The following PRUNE2 variants were observed in gnomAD, a reference collection of about 807,000 sequenced individuals.
The protein encoded by PRUNE2 is protein prune homolog 2.
In PRUNE2, 164 loss-of-function variants were observed where a neutral mutation model predicts 252.0. That is an observed-to-expected ratio of 0.65 (90% confidence interval 0.57 to 0.74). PRUNE2 has a LOEUF of 0.74. Ranked by LOEUF, PRUNE2 falls within the 30% of genes least tolerant of loss-of-function variation. The pLI is 0.00. For missense variants in PRUNE2, 3,495 were observed against 3,711.0 expected (o/e 0.94, Z 1.51); for synonymous variants, 1,292 against 1,350.2 (o/e 0.96, Z 0.94).
At chr9:76,850,142 G>A (rs140448596) in intron 3 of PRUNE2, among the ~76,000 whole-genome samples, 57 of 151,922 alleles carry the variant, frequency 3.8e-4, no homozygotes, top group African/African-American at 1.1e-3. Context: ...TCTGCCTCCC[G>A]GGTTCAGGCA....
intron 1 of PRUNE2, among the ~76,000 whole-genome samples, chr9:76,880,156 G>C: frequency 6.6e-6 from 1 of 151,458 alleles, no homozygotes; most frequent in Non-Finnish European, 1.5e-5. Flanking sequence ...CTTGTGATCC[G>C]CCCTCCTCGG....
At chr9:76,889,342 T>C (rs373698655) in intron 1 of PRUNE2, among the ~76,000 whole-genome samples, 16,939 of 57,600 alleles carry the variant, frequency 0.29, 1,205 homozygotes, top group South Asian at 0.42. Flanking sequence ...GACTGCAGAT[T>C]TTTTTTTTTG....
intron 6 of PRUNE2, among the ~76,000 whole-genome samples, chr9:76,733,041 G>A (rs2048767271): frequency 6.6e-6 from 1 of 152,156 alleles, no homozygotes; most frequent in African/African-American, 2.4e-5. Context: ...TCTGAAAGTA[G>A]TTAGGTACCT....
intron 9 of PRUNE2, among the ~76,000 whole-genome samples, chr9:76,669,600 A>G (rs1382144057): frequency 6.6e-6 from 1 of 152,198 alleles, no homozygotes; most frequent in Admixed American, 6.5e-5. Context: ...GGTTACAGGC[A>G]TGAGCCGCCA....
chr9:76,800,193 C>T (rs1292206445), intron 6 of PRUNE2, among the ~76,000 whole-genome samples: 2 of 152,114 alleles, frequency 1.3e-5, no homozygotes, highest in African/African-American at 4.8e-5. Flanking sequence ...AATGCTATCC[C>T]TCCCCCATAC....
chr9:76,710,286 T>A lies in PRUNE2; in HGVS notation c.1988A>T (p.Asp663Val). ...CSSWWGGLEI[D>V]SKNIADAWSS... ...CCACGCATCTGCAATATTTTTGGAG[T>A]CAATTTCCAAACCACCCCACCAGCT... is the stretch of plus-strand genomic sequence containing the variant. The change falls in exon 8 of 19, where the codon GAC becomes GTC. Residue 663 changes from aspartate to valine, a missense_variant. Transcript: ENST00000376718. 6.2e-7 allele frequency: 1 copy of A among 1,613,862 alleles called. No individual in the cohort carries two copies.
At chr9:76,816,747 A>T (rs116392465) in intron 6 of PRUNE2, among the ~76,000 whole-genome samples, 2,181 of 152,256 alleles carry the variant, frequency 0.014, 19 homozygotes, top group African/African-American at 0.028. Flanking sequence ...TACCATTAAA[A>T]TTTTTCACTA....
chr9:76,672,160 C>A (rs1588439708), intron 9 of PRUNE2, among the ~76,000 whole-genome samples: 2 of 151,184 alleles, frequency 1.3e-5, no homozygotes, highest in African/African-American at 4.9e-5. Context: ...GGAAACCCAT[C>A]TCACGTGCAC....
At chr9:76,870,578 C>T (rs1294637837) in intron 1 of PRUNE2, among the ~76,000 whole-genome samples, 5 of 151,204 alleles carry the variant, frequency 3.3e-5, no homozygotes, top group African/African-American at 7.3e-5. Flanking sequence ...CCCACCTACT[C>T]GGGAGGCTGA....
chr9:76,646,802 G>T (rs1226914750), intron 11 of PRUNE2, among the ~76,000 whole-genome samples: 1 of 152,038 alleles, frequency 6.6e-6, no homozygotes, highest in African/African-American at 2.4e-5. Context: ...GGTACCCTCT[G>T]ACCTGCTCTA....
chr9:76,833,721 C>T (rs1287698485), intron 4 of PRUNE2, among the ~76,000 whole-genome samples: 1 of 150,262 alleles, frequency 6.7e-6, no homozygotes, highest in Admixed American at 6.6e-5. Flanking sequence ...GCCGAGATTG[C>T]GCCACTGCAC....
At chr9:76,875,611 G>A (rs1173868384) in intron 1 of PRUNE2, among the ~76,000 whole-genome samples, 6 of 152,102 alleles carry the variant, frequency 3.9e-5, no homozygotes, top group Admixed American at 2.0e-4. Flanking sequence ...TGATCTGCCC[G>A]CCTTGGCCTC....
At chr9:76,826,828 T>C in intron 4 of PRUNE2, 96 bp from the exon 5 acceptor site, 1 of 1,038,458 alleles carries the variant, frequency 9.6e-7, no homozygotes, top group African/African-American at 1.6e-5. Flanking sequence ...AATCTAAGCT[T>C]TCCATTTCTG....
At chr9:76,887,372 C>A (rs116107880) in intron 1 of PRUNE2, among the ~76,000 whole-genome samples, 2,748 of 152,244 alleles carry the variant, frequency 0.018, 72 homozygotes, top group African/African-American at 0.061. Flanking sequence ...ATTGATATGG[C>A]CATCAACAGA....
At chr9:76,634,771 TAATC>T (rs577770044) in intron 15 of PRUNE2, among the ~76,000 whole-genome samples, 41 of 152,328 alleles carry the variant, frequency 2.7e-4, no homozygotes, top group African/African-American at 8.2e-4. Context: ...TAACATTACT[TAATC>T]AAGAAAAAAC....
intron 18 of PRUNE2, 23 bp from the exon 19 acceptor site, chr9:76,614,623 G>A: frequency 6.3e-7 from 1 of 1,585,836 alleles, no homozygotes; most frequent in Non-Finnish European, 8.6e-7. Flanking sequence ...GAAAAAGAGA[G>A]AGAAACATGA....
At chr9:76,677,785 C>T (rs1375938130) in intron 9 of PRUNE2, among the ~76,000 whole-genome samples, 1 of 152,138 alleles carries the variant, frequency 6.6e-6, no homozygotes, top group Non-Finnish European at 1.5e-5. Context: ...AGGAAGCAGG[C>T]CTGCTGCAAG....
rs544949754 is a variant in PRUNE2 at position 76,829,153 on chromosome 9, A to G, written c.509-2421T>C. On this transcript the variant is annotated intron_variant, in intron 4 of 18. Coordinates refer to ENST00000376718, the MANE Select transcript of PRUNE2 (RefSeq NM_015225.3). ...AGGATAAAAGCTAAATCAAGTTTTT[A>G]AAAATCTGTGAAAGTATCACAGAGT... Among the ~76,000 whole-genome samples the G allele has an allele frequency of 2.6e-5, 4 of 152,298 alleles. No individual in the cohort carries two copies. In the East Asian group the frequency reaches 5.8e-4, roughly 22 times the overall value.
At chr9:76,823,402 T>C (rs1589413197) in intron 6 of PRUNE2, 13 of 490,738 alleles carry the variant, frequency 2.6e-5, no homozygotes, top group Non-Finnish European at 4.0e-5. Flanking sequence ...TTTGTTTTAC[T>C]GAGATGAATG....
Sources: allele counts gnomAD v4.1 joint callset (sites outside exome capture counted in the v4.1 genomes callset), GRCh38; gene constraint gnomAD v4.1.1; transcripts MANE v1.5; gene names NCBI Gene and HGNC (gene_info 2026-07-23, HGNC 2026-07-21).